The following ADAM19 variants were observed in gnomAD, a reference collection of about 807,000 sequenced individuals.
ADAM19 encodes disintegrin and metalloproteinase domain-containing protein 19.
A neutral mutation model predicts 114.7 loss-of-function variants in ADAM19; 65 were observed. The observed-to-expected ratio is 0.57, with a 90% CI of 0.46 to 0.70. The LOEUF is 0.70. Among genes scored for constraint, ADAM19 ranks in the 30% least tolerant of loss-of-function variants. The pLI, the probability that ADAM19 is intolerant of heterozygous loss-of-function variation, is 0.00. For missense variants in ADAM19, 1,063 were observed against 1,204.7 expected, an observed-to-expected ratio of 0.88 and a Z score of 1.74; for synonymous variants, 466 against 460.5, an observed-to-expected ratio of 1.01 and a Z score of -0.15.
chr5:157,480,244 G>A lies in ADAM19; in HGVS notation c.*705C>T, dbSNP rs1453967096. ...CAGGAGTCGCAACCTTTGGCATCAC[G>A]GCTCAGAGGAAGCCCAAGCCCGGTG... On this transcript the variant is annotated 3_prime_UTR_variant, in exon 23 of 23. Coordinates refer to ENST00000257527, the MANE Select transcript of ADAM19 (RefSeq NM_033274.5). 11 of 985,848 alleles carry A rather than the reference G, an allele frequency of 1.1e-5. No individual in the cohort carries two copies. The East Asian group carries it at 3.4e-4, about 30-fold the overall frequency. 61.1% of individuals were successfully genotyped at this position (985,848 alleles called of 1,614,324 possible).
At position 157,480,984 on chromosome 5, in the gene ADAM19, G is replaced by A. The variant is rs773283540; in HGVS notation, c.2722C>T (p.Gln908Ter). ...GAGCTAATCATCCCTCCAGCCCTCTGTGATCTGTATTCTGGAAACTGGGAA... is the reference window on the plus strand; with the variant it reads ...GAGCTAATCATCCCTCCAGCCCTCTATGATCTGTATTCTGGAAACTGGGAA... ...LAPKFPEYRSQRAGGMISSKI is the reference protein window; with the variant it reads ...LAPKFPEYRS The change falls in exon 23 of 23, where the codon CAG becomes TAG. Residue 908 changes from glutamine (Q) to a stop codon, truncating the protein, a stop_gained. Coordinates refer to ENST00000257527, the MANE Select transcript of ADAM19 (RefSeq NM_033274.5). LOFTEE classifies it high-confidence loss of function. 7 of 1,614,018 alleles carry A rather than the reference G, an allele frequency of 4.3e-6. No homozygotes were observed. The highest frequency in any genetic ancestry group is 1.1e-5 in the South Asian group (1 of 91,092).
Position 157,479,985 on chromosome 5 carries a change from C to T in ADAM19, c.*964G>A. The T allele has an allele frequency of 2.0e-6, 2 of 985,898 alleles. No homozygotes were observed. The highest frequency in any genetic ancestry group is 2.4e-6 in the Non-Finnish European group (2 of 829,960). The allele number at this position is 985,898 out of a possible 1,614,324, so 61.1% of individuals were successfully genotyped here. A position where few individuals can be genotyped will look rare whatever the true frequency, so the allele number is the denominator to read the frequency against. On this transcript the variant is annotated 3_prime_UTR_variant, in exon 23 of 23. Transcript: ENST00000257527. ...CCCCAATGGCCATGCCCCAAGTCTA[C>T]TCTGGTCACACTCCTGAGAGCCAGT...
chr5:157,544,186 C>T (rs1581343363), intron 3 of ADAM19, among the ~76,000 whole-genome samples: 1 of 152,194 alleles, frequency 6.6e-6, no homozygotes, highest in African/African-American at 2.4e-5. Flanking sequence ...CCTCCTATCC[C>T]AGGGACTCCC....
chr5:157,552,677 CA>C (rs778402112), intron 3 of ADAM19, among the ~76,000 whole-genome samples: 15,378 of 59,728 alleles, frequency 0.26, 372 homozygotes, highest in Non-Finnish European at 0.27. Context: ...GGACTCTACT[CA>C]AAAAAAAAAA....
intron 1 of ADAM19, among the ~76,000 whole-genome samples, chr5:157,571,380 G>A (rs1757822862): frequency 2.0e-5 from 3 of 152,148 alleles, no homozygotes; most frequent in Admixed American, 2.0e-4. Context: ...AGTGCCCCAG[G>A]TAGAGGAAAC....
chr5:157,482,015 C>A, intron 21 of ADAM19, 72 bp from the exon 22 acceptor site: 1 of 1,258,360 alleles, frequency 7.9e-7, no homozygotes, highest in Non-Finnish European at 1.1e-6. Flanking sequence ...TGATATCTTA[C>A]AGGTTAAAAT....
intron 3 of ADAM19, among the ~76,000 whole-genome samples, chr5:157,540,313 GTTTGC>G (rs1756883340): frequency 6.6e-6 from 1 of 152,150 alleles, no homozygotes; most frequent in African/African-American, 2.4e-5. Flanking sequence ...CATTTCCTGG[GTTTGC>G]TTTCACAGAC....
At chr5:157,570,762 T>C in intron 2 of ADAM19, 133 bp downstream of exon 2, 1 of 680,634 alleles carries the variant, frequency 1.5e-6, no homozygotes, top group South Asian at 1.9e-5. Flanking sequence ...ATCTCCAAAA[T>C]GGGCACCCAG....
At chr5:157,549,914 T>C (rs1757142545) in intron 3 of ADAM19, among the ~76,000 whole-genome samples, 1 of 152,164 alleles carries the variant, frequency 6.6e-6, no homozygotes, top group South Asian at 2.1e-4. Flanking sequence ...TGTAATACCA[T>C]ATAGCAATAA....
intron 18 of ADAM19, among the ~76,000 whole-genome samples, chr5:157,491,197 A>G (rs1424412004): frequency 2.0e-5 from 3 of 152,094 alleles, no homozygotes; most frequent in African/African-American, 2.4e-5. Flanking sequence ...CTAAAATACT[A>G]TAAAATTTTC....
chr5:157,481,481 A>T (rs1011527465), intron 22 of ADAM19: 34 of 931,742 alleles, frequency 3.6e-5, no homozygotes, highest in Non-Finnish European at 5.2e-5. Flanking sequence ...ACTACTGCTC[A>T]TCATAGCCTC....
At chr5:157,550,590 T>C (rs1757167303) in intron 3 of ADAM19, among the ~76,000 whole-genome samples, 1 of 152,056 alleles carries the variant, frequency 6.6e-6, no homozygotes, top group Non-Finnish European at 1.5e-5. Context: ...TGGCGATGGC[T>C]GCATGACTTT....
At chr5:157,498,879 T>C (rs896604089) in intron 13 of ADAM19, among the ~76,000 whole-genome samples, 19 of 152,112 alleles carry the variant, frequency 1.2e-4, no homozygotes, top group African/African-American at 4.6e-4. Flanking sequence ...CTATAATTCA[T>C]CTCATGTCAA....
intron 18 of ADAM19, among the ~76,000 whole-genome samples, chr5:157,490,978 G>C (rs1489974214): frequency 1.3e-5 from 2 of 151,700 alleles, no homozygotes; most frequent in Non-Finnish European, 2.9e-5. Context: ...TTAACATTTG[G>C]TTTCATCAAA....
chr5:157,477,798 C>A lies in ADAM19; in HGVS notation c.*3151G>T. ...AGACTTCCAATAAAGATTGGAAAGG[C>A]GTATTGCAGGAGGTGGGGAGGGGCT... is the stretch of plus-strand genomic sequence containing the variant. On this transcript the variant is annotated 3_prime_UTR_variant, in exon 23 of 23. Coordinates refer to ENST00000257527, the MANE Select transcript of ADAM19 (RefSeq NM_033274.5). 8.5e-7 allele frequency: 1 copy of A among 1,177,434 alleles called. No homozygotes were observed. Among genetic ancestry groups the A allele is most frequent in the South Asian group, 1.3e-5 (1 of 78,520 alleles). The allele number at this position is 1,177,434 out of a possible 1,614,324, so 72.9% of individuals were successfully genotyped here. A position where few individuals can be genotyped will look rare whatever the true frequency, so the allele number is the denominator to read the frequency against.
intron 3 of ADAM19, among the ~76,000 whole-genome samples, chr5:157,546,796 T>C (rs989709715): frequency 4.6e-5 from 7 of 152,200 alleles, no homozygotes; most frequent in Admixed American, 1.3e-4. Flanking sequence ...ATGGGAGCCA[T>C]GGAAGAGGCT....
chr5:157,552,571 C>T lies in ADAM19; in HGVS notation c.251+11802G>A, dbSNP rs188193090. Among the ~76,000 whole-genome samples the T allele has an allele frequency of 4.8e-3, 701 of 147,422 alleles. 5 individuals carry two copies. Among genetic ancestry groups the T allele is most frequent in the African/African-American group, 0.017 (663 of 39,998 alleles). Reference sequence around the variant, plus strand: ...GTGTGTGCCTGTAGTCCCAGCTACTCGGGAGGCTGAGACAGGAGAATTGCT... The same window carrying T: ...GTGTGTGCCTGTAGTCCCAGCTACTTGGGAGGCTGAGACAGGAGAATTGCT... On this transcript the variant is annotated intron_variant, in intron 3 of 22. Transcript: ENST00000257527.
At chr5:157,531,083 T>C (rs1438111411) in intron 4 of ADAM19, among the ~76,000 whole-genome samples, 200 bp from the exon 5 acceptor site, 1 of 152,132 alleles carries the variant, frequency 6.6e-6, no homozygotes, top group Non-Finnish European at 1.5e-5. Flanking sequence ...GCAGGGAAGA[T>C]GTCATTATCT....
intron 3 of ADAM19, among the ~76,000 whole-genome samples, chr5:157,548,943 C>A (rs1404665744): frequency 2.0e-5 from 3 of 152,184 alleles, no homozygotes; most frequent in East Asian, 1.9e-4. Context: ...ATCCATAAAT[C>A]CGTCTGCATC....
Sources: allele counts gnomAD v4.1 joint callset (sites outside exome capture counted in the v4.1 genomes callset), GRCh38; gene constraint gnomAD v4.1.1; transcripts MANE v1.5; gene names NCBI Gene and HGNC (gene_info 2026-07-23, HGNC 2026-07-21).